The following TRIM52 variants were observed in gnomAD, a reference collection of about 807,000 sequenced individuals.
The protein encoded by TRIM52 is tripartite motif containing 52.
Under a neutral mutation model 27.0 loss-of-function variants are expected in TRIM52, and 24 were observed. The ratio of observed to expected loss-of-function variants is 0.89; its 90% CI spans 0.64 to 1.25. TRIM52 has a LOEUF of 1.25. TRIM52 is among the 50% of genes most tolerant of loss of function. The probability of loss-of-function intolerance (pLI) is 0.00; values close to 1 mark genes in which losing one functional copy is unlikely to be tolerated. For synonymous variants in TRIM52, 125 were observed against 126.5 expected (o/e 0.99, Z 0.08); for missense variants, 351 against 354.7 (o/e 0.99, Z 0.08).
At chr5:181,254,379 T>C (rs1759702744), downstream of TRIM52, 1 of 141,170 alleles carries the variant, frequency 7.1e-6, no homozygotes, top group Non-Finnish European at 1.5e-5. Flanking sequence ...TTGTTGTTGT[T>C]GTTGTTTCCC....
In TRIM52 at chr5:181,260,577, G is replaced by C; in HGVS notation, c.237C>G (p.Asp79Glu). Residue 79 changes from aspartate to glutamate, a missense_variant, in exon 1 of 2, where the codon GAC becomes GAG. Coordinates refer to ENST00000688015, the MANE Select transcript of TRIM52 (RefSeq NM_001346048.2). This position sits in a 1 kb window ranked among gnomAD's most constrained non-coding sequence, Gnocchi z 4.4. Reference sequence around the variant, plus strand: ...GATACAACACCTCTCGAATGGAGCCGTCCCATCCATCCATGGCCCCCACCG... The same window carrying C: ...GATACAACACCTCTCGAATGGAGCCCTCCCATCCATCCATGGCCCCCACCG... ...EEAVGAMDGW[D>E]GSIREVLYRG... The C allele has an allele frequency of 6.2e-7, 1 of 1,613,666 alleles. No homozygotes were observed. The highest frequency in any genetic ancestry group is 8.5e-7 in the Non-Finnish European group (1 of 1,179,946).
chr5:181,249,132 T>C (rs923829795), downstream of TRIM52, among the ~76,000 whole-genome samples: 5 of 152,154 alleles, frequency 3.3e-5, no homozygotes, highest in African/African-American at 1.2e-4. Flanking sequence ...CAGGCTAGGT[T>C]GGAGGAGTAA....
Position 181,260,472 on chromosome 5 carries a change from C to T in TRIM52, c.342G>A (p.Trp114Ter), listed in dbSNP as rs1220736779. The stretch of plus-strand genomic sequence containing the variant: ...CGTCCCACATATAGTCTACGTTGTC[C>T]CAATTAGTTATACCACTGTCACCGA... Reference protein sequence around the residue: ...LWLGDSGITNWDNVDYMWDEE... With the variant: ...LWLGDSGITN The change falls in exon 1 of 2, where the codon TGG (tryptophan) becomes TGA (stop). Residue 114 changes from tryptophan (W) to a stop codon, truncating the protein, a stop_gained. Transcript: ENST00000688015. LOFTEE classifies it high-confidence loss of function. The surrounding 1 kb of genome is among the most constrained non-coding windows in gnomAD (Gnocchi z 4.4). 1.9e-6 allele frequency: 3 copies of T among 1,613,928 alleles called. No homozygotes were observed. The highest frequency in any genetic ancestry group is 2.5e-6 in the Non-Finnish European group (3 of 1,180,016).
At chr5:181,252,979 T>C (rs1018373989), downstream of TRIM52, among the ~76,000 whole-genome samples, 67 of 151,770 alleles carry the variant, frequency 4.4e-4, no homozygotes, top group Non-Finnish European at 8.1e-4. Context: ...GCTACCCCAC[T>C]CCAAGAGCAG....
chr5:181,258,510 GAA>G (rs1759884577), intron 1 of TRIM52: 1 of 152,222 alleles, frequency 6.6e-6, no homozygotes, highest in East Asian at 1.9e-4. Flanking sequence ...CACCTTGGGT[GAA>G]AACATGGTAC....
At chr5:181,250,458 C>A (rs1759613467), downstream of TRIM52, among the ~76,000 whole-genome samples, 1 of 151,968 alleles carries the variant, frequency 6.6e-6, no homozygotes. Context: ...ATCACTTGAA[C>A]CCAGGAGGCA....
At chr5:181,258,051 C>G (rs1344064249) in intron 1 of TRIM52, 2 of 151,814 alleles carry the variant, frequency 1.3e-5, no homozygotes, top group Non-Finnish European at 2.9e-5. Flanking sequence ...TAACTGTGCA[C>G]TTAACAATAT....
chr5:181,260,496 G>A lies in TRIM52; in HGVS notation c.318C>T (p.Leu106=). ...CCCAATTAGTTATACCACTGTCACC[G>A]AGCCAGAGTTCATCGTCATCTTGGT... ...FQDQDDDELW[L]GDSGITNWDN... The change falls in exon 1 of 2, where the codon CTC becomes CTT. Residue 106 remains leucine, a synonymous_variant. Coordinates refer to ENST00000688015, the MANE Select transcript of TRIM52 (RefSeq NM_001346048.2). This position sits in a 1 kb window ranked among gnomAD's most constrained non-coding sequence, Gnocchi z 4.4. 1 of 1,613,576 alleles carries A rather than the reference G, an allele frequency of 6.2e-7. No homozygotes were observed. Among genetic ancestry groups the A allele is most frequent in the Non-Finnish European group, 8.5e-7 (1 of 1,179,958 alleles).
In TRIM52 at chr5:181,256,390, A is replaced by G. The variant is rs1311945340; in HGVS notation, c.*419T>C. ...GAGCCGATTTTTTTTTTTTTTTGAG[A>G]TGGAGTCTTGCTCTATTGCCCAGGC... On this transcript the variant is annotated 3_prime_UTR_variant, in exon 2 of 2. Transcript: ENST00000688015. 1 of 148,558 alleles carries G rather than the reference A, an allele frequency of 6.7e-6. No homozygotes were observed. Among genetic ancestry groups the G allele is most frequent in the Non-Finnish European group, 1.5e-5 (1 of 67,406 alleles). The allele number at this position is 148,558 out of a possible 1,614,324, so 9.2% of individuals were successfully genotyped here.
chr5:181,260,541 A>G lies in TRIM52; in HGVS notation c.273T>C (p.Ala91=). 2 of 1,613,404 alleles carry G rather than the reference A, an allele frequency of 1.2e-6. No homozygotes were observed. Among genetic ancestry groups the G allele is most frequent in the Non-Finnish European group, 1.7e-6 (2 of 1,179,870 alleles). ...CTTGGTCTTGGAACAACTCTTCGTC[A>G]GCATTCCCCCGATACAACACCTCTC... The part of the protein sequence containing the change: ...SIREVLYRGN[A]DEELFQDQDD... The change falls in exon 1 of 2, where the codon GCT becomes GCC. Residue 91 remains alanine, a synonymous_variant. Transcript: ENST00000688015. The surrounding 1 kb of genome is among the most constrained non-coding windows in gnomAD (Gnocchi z 4.4).
rs1759738040 is a variant in TRIM52, at chr5:181,255,487, C to G, written c.*1322G>C. ...CCTCTTGAAGCTCTTCCAGTGAGGC[C>G]TGCACATCGGTATGAAACACATTCT... On this transcript the variant is annotated 3_prime_UTR_variant, in exon 2 of 2. Coordinates refer to ENST00000688015, the MANE Select transcript of TRIM52 (RefSeq NM_001346048.2). 1 of 152,148 alleles carries G rather than the reference C, an allele frequency of 6.6e-6. No homozygotes were observed. Among genetic ancestry groups the G allele is most frequent in the Non-Finnish European group, 1.5e-5 (1 of 68,024 alleles). The allele number at this position is 152,148 out of a possible 1,614,324, so 9.4% of individuals were successfully genotyped here. A position where few individuals can be genotyped will look rare whatever the true frequency, so the allele number is the denominator to read the frequency against.
In TRIM52 at chr5:181,261,061, A is replaced by G; in HGVS notation, c.-248T>C. 2.0e-6 allele frequency: 1 copy of G among 511,460 alleles called. No individual in the cohort carries two copies. Among genetic ancestry groups the G allele is most frequent in the Non-Finnish European group, 3.4e-6 (1 of 291,646 alleles). The allele number at this position is 511,460 out of a possible 1,614,324, so 31.7% of individuals were successfully genotyped here. ...CAGCCCCCAGCTGCTCGGTCCTGTC[A>G]CGTCTCTCGCTACCCTCAGGGTGTG... is the stretch of plus-strand genomic sequence containing the variant. On this transcript the variant is annotated 5_prime_UTR_variant, in exon 1 of 2. Transcript: ENST00000688015.
At chr5:181,254,017 G>A (rs1561685704), downstream of TRIM52, among the ~76,000 whole-genome samples, 1 of 141,340 alleles carries the variant, frequency 7.1e-6, no homozygotes, top group Non-Finnish European at 1.5e-5. Context: ...GAGGCCGGGC[G>A]CGGTGGCTCA....
chr5:181,258,201 G>C (rs1759867261), intron 1 of TRIM52: 1 of 151,788 alleles, frequency 6.6e-6, no homozygotes, highest in African/African-American at 2.4e-5. Flanking sequence ...GACCAGCCTG[G>C]CCAACATGGT....
intron 1 of TRIM52, chr5:181,259,685 G>A (rs551650843): frequency 3.9e-5 from 17 of 435,112 alleles, no homozygotes; most frequent in Non-Finnish European, 6.8e-5. Flanking sequence ...GAGAAATGAA[G>A]TACTGGGTAT....
chr5:181,257,667 A>G (rs771046767), intron 1 of TRIM52: 13 of 459,816 alleles, frequency 2.8e-5, no homozygotes, highest in East Asian at 2.7e-4. Context: ...ATGTTTACCA[A>G]TGGAAGGAAG....
chr5:181,250,111 C>G (rs1463839712), downstream of TRIM52, among the ~76,000 whole-genome samples: 2 of 150,398 alleles, frequency 1.3e-5, no homozygotes, highest in Admixed American at 6.6e-5. Context: ...TGACGTCTAG[C>G]AGTCCCCCAG....
chr5:181,249,889 G>A (rs1343098870), downstream of TRIM52, among the ~76,000 whole-genome samples: 1 of 146,480 alleles, frequency 6.8e-6, no homozygotes, highest in Non-Finnish European at 1.5e-5. Flanking sequence ...GGAGTGCAGT[G>A]GTGCCATTTT....
chr5:181,249,273 T>C (rs1179119583), downstream of TRIM52, among the ~76,000 whole-genome samples: 2 of 152,144 alleles, frequency 1.3e-5, no homozygotes, highest in African/African-American at 4.8e-5. Flanking sequence ...GGTGCAAGAT[T>C]CCTACGAAGT....
Sources: allele counts gnomAD v4.1 joint callset (sites outside exome capture counted in the v4.1 genomes callset), GRCh38; gene constraint gnomAD v4.1.1; non-coding constraint Gnocchi (gnomAD v3.1); transcripts MANE v1.5; gene names NCBI Gene and HGNC (gene_info 2026-07-23, HGNC 2026-07-21).